Variants in TUB observed in about 807,000 individuals in gnomAD.
TUB encodes the protein TUB bipartite transcription factor, also known as tubby protein homolog.
Under a neutral mutation model 59.7 loss-of-function variants are expected in TUB, and 33 were observed. The ratio of observed to expected loss-of-function variants is 0.55; its 90% CI spans 0.42 to 0.74. TUB has a LOEUF of 0.74. Among genes scored for constraint, TUB ranks in the 30% least tolerant of loss-of-function variants. The pLI is 0.00. For synonymous variants in TUB, 293 were observed against 256.4 expected (o/e 1.14, Z -1.36); for missense variants, 659 against 672.0 (o/e 0.98, Z 0.21).
intron 9 of TUB, among the ~76,000 whole-genome samples, chr11:8,099,836 C>T (rs1236572179): frequency 6.6e-6 from 1 of 152,094 alleles, no homozygotes; most frequent in Non-Finnish European, 1.5e-5. Context: ...CTAGGGGACA[C>T]AGTGAGGACA....
chr11:8,100,437 C>G (rs1227227454), intron 9 of TUB, 66 bp from the exon 10 acceptor site: 9 of 1,247,764 alleles, frequency 7.2e-6, no homozygotes, highest in African/African-American at 1.5e-5. Flanking sequence ...TTATTCCCGT[C>G]CCCCCCACCT....
chr11:8,071,466 G>A lies in TUB; in HGVS notation c.204-18144G>A, dbSNP rs181099939. Among the ~76,000 whole-genome samples, 470 of 152,246 alleles carry A rather than the reference G, an allele frequency of 3.1e-3. 4 individuals carry two copies. Among genetic ancestry groups the A allele is most frequent in the African/African-American group, 0.01 (434 of 41,536 alleles). ...GAAATTGGGAAGGCACTTCTTTATG[G>A]TCATATAGGAGGCTGGGGACTTAGG... On this transcript the variant is annotated intron_variant, in intron 2 of 12. Transcript: ENST00000305253.
rs1334058736 is a variant in TUB, at chr11:8,019,871, C to G, written c.56+513C>G. Reference sequence around the variant, plus strand: ...GGGACCCGCGAGTCGCTGCCTGTTCCGCGGGGCGAGATGGCAGCCTGGGCC... The same window carrying G: ...GGGACCCGCGAGTCGCTGCCTGTTCGGCGGGGCGAGATGGCAGCCTGGGCC... On this transcript the variant is annotated intron_variant, in intron 1 of 11. Coordinates refer to the TUB transcript ENST00000534099. Among the ~76,000 whole-genome samples, 3 of 152,234 alleles carry G rather than the reference C, an allele frequency of 2.0e-5. No homozygotes were observed. The South Asian group carries it at 6.2e-4, about 31-fold the overall frequency.
In TUB at chr11:8,038,960, C is replaced by T. The variant is rs1942693454; in HGVS notation, c.87C>T (p.Pro29=). The T allele has an allele frequency of 1.2e-6, 2 of 1,614,038 alleles. No individual in the cohort carries two copies. Among genetic ancestry groups the T allele is most frequent in the African/African-American group, 2.7e-5 (2 of 75,006 alleles). The stretch of plus-strand genomic sequence containing the variant: ...TGTTCCCAGGAGGCACTCCCTGGCC[C>T]ATGGGATCTCAGCATTCAAAGCAGC... Residue 29 remains proline (P), a synonymous_variant, in exon 1 of 13, where the codon CCC becomes CCT. Transcript: ENST00000305253.
At chr11:8,051,426 T>A (rs1942933517) in intron 2 of TUB, among the ~76,000 whole-genome samples, 1 of 152,264 alleles carries the variant, frequency 6.6e-6, no homozygotes, top group Admixed American at 6.5e-5. Context: ...CCATAATTTC[T>A]AAATTCTCAA....
chr11:8,075,244 G>A (rs1943430519), intron 2 of TUB, among the ~76,000 whole-genome samples: 1 of 152,094 alleles, frequency 6.6e-6, no homozygotes, highest in African/African-American at 2.4e-5. Context: ...AATTTCCTTT[G>A]ACTAGTTTTC....
At chr11:8,023,120 C>A (rs1165947199) in intron 1 of TUB, among the ~76,000 whole-genome samples, 3 of 152,170 alleles carry the variant, frequency 2.0e-5, no homozygotes, top group African/African-American at 7.2e-5. Context: ...TCTCCACGTG[C>A]CTTCTCATCT....
At chr11:8,039,091 C>T in intron 1 of TUB, 1 of 1,579,602 alleles carries the variant, frequency 6.3e-7, no homozygotes, top group Non-Finnish European at 8.6e-7. Context: ...TCCACCCACC[C>T]ACCCTCACTG....
At chr11:8,089,536 CT>C in intron 1 of TUB, 73 bp from the exon 2 acceptor site, 1 of 1,578,782 alleles carries the variant, frequency 6.3e-7, no homozygotes, top group Non-Finnish European at 8.7e-7. Context: ...CCCAGATATG[CT>C]GGGGGTGGGC....
intron 2 of TUB, among the ~76,000 whole-genome samples, chr11:8,053,095 A>G (rs940525362): frequency 1.1e-4 from 16 of 152,324 alleles, no homozygotes; most frequent in African/African-American, 3.6e-4. Flanking sequence ...TTAACCAAAA[A>G]TGAGTGCTGA....
rs762269287 is a variant in TUB at position 8,100,798 on chromosome 11, C to T, written c.1216-28C>T. On this transcript the variant is annotated intron_variant, in intron 10 of 11. Coordinates refer to ENST00000299506, the MANE Select transcript of TUB (RefSeq NM_177972.3). ...GTGGTCATGGTGCCAAAGGCCTGGG[C>T]CTGGCTCAGGTGAGGCTGCCCTCCC... 7.4e-6 allele frequency: 12 copies of T among 1,611,280 alleles called. No homozygotes were observed. The Middle Eastern group carries it at 5.1e-4, about 68-fold the overall frequency.
At chr11:8,055,738 A>G (rs777171759) in intron 2 of TUB, among the ~76,000 whole-genome samples, 1 of 152,252 alleles carries the variant, frequency 6.6e-6, no homozygotes, top group African/African-American at 2.4e-5. Context: ...GGGACAGCCA[A>G]TGACAGTGTG....
intron 1 of TUB, among the ~76,000 whole-genome samples, chr11:8,023,533 T>A (rs1432676401): frequency 6.6e-6 from 1 of 152,166 alleles, no homozygotes; most frequent in African/African-American, 2.4e-5. Context: ...AATCTATATC[T>A]TCAACTCCAG....
At chr11:8,071,129 T>C (rs1463192103) in intron 2 of TUB, among the ~76,000 whole-genome samples, 2 of 152,164 alleles carry the variant, frequency 1.3e-5, no homozygotes, top group Non-Finnish European at 2.9e-5. Flanking sequence ...TCGACTCTTT[T>C]TCACGGAGAG....
chr11:8,080,592 A>G (rs145904576), upstream of TUB, among the ~76,000 whole-genome samples: 204 of 152,224 alleles, frequency 1.3e-3, no homozygotes, highest in African/African-American at 4.7e-3. Flanking sequence ...GGTTATAGGG[A>G]TATGATGTTT....
chr11:8,088,361 T>C (rs1183878974), intron 1 of TUB, among the ~76,000 whole-genome samples: 1 of 152,192 alleles, frequency 6.6e-6, no homozygotes, highest in Non-Finnish European at 1.5e-5. Flanking sequence ...TAGAAAGGGC[T>C]AGCCATCAGG....
At chr11:8,033,617 C>T (rs1011622631) in intron 1 of TUB, among the ~76,000 whole-genome samples, 2 of 152,228 alleles carry the variant, frequency 1.3e-5, no homozygotes, top group Admixed American at 6.5e-5. Flanking sequence ...CCAGGCACTC[C>T]TGAGAGCGGG....
At chr11:8,058,480 C>T (rs746109726) in intron 2 of TUB, among the ~76,000 whole-genome samples, 2 of 152,062 alleles carry the variant, frequency 1.3e-5, no homozygotes, top group Admixed American at 1.3e-4. Flanking sequence ...CACATTAAGA[C>T]CTGGTTTATT....
chr11:8,080,589 G>A (rs1943530214), upstream of TUB, among the ~76,000 whole-genome samples: 1 of 152,210 alleles, frequency 6.6e-6, no homozygotes, highest in Non-Finnish European at 1.5e-5. Context: ...CTGGGTTATA[G>A]GGATATGATG....
Sources: gnomAD v4.1 joint callset for allele counts (sites outside exome capture counted in the v4.1 genomes callset) on GRCh38, gnomAD v4.1.1 for gene constraint, MANE v1.5 for transcripts, NCBI Gene and HGNC (gene_info 2026-07-23, HGNC 2026-07-21) for gene names.